Variants in BICD1 observed in about 807,000 individuals in gnomAD.
BICD1 encodes the protein BICD cargo adaptor 1, also known as protein bicaudal D homolog 1.
In BICD1, 35 loss-of-function variants were observed where a neutral mutation model predicts 92.5. That is an observed-to-expected ratio of 0.38 (90% CI 0.29 to 0.50). The LOEUF (loss-of-function observed/expected upper bound fraction) is 0.50, where lower values mean the gene tolerates loss of function less well. Among genes scored for constraint, BICD1 ranks in the 20% least tolerant of loss-of-function variants. BICD1 has a pLI of 0.93. For synonymous variants in BICD1, 429 were observed against 465.1 expected (o/e 0.92, Z 1.00); for missense variants, 950 against 1,189.8 (o/e 0.80, Z 2.97).
chr12:32,282,566 G>A (rs573557991), intron 2 of BICD1, among the ~76,000 whole-genome samples: 4 of 152,208 alleles, frequency 2.6e-5, no homozygotes, highest in East Asian at 1.9e-4. Flanking sequence ...TAACCCTGAC[G>A]TGGATTTGAG....
chr12:32,298,661 T>G (rs1947948672), intron 3 of BICD1, among the ~76,000 whole-genome samples: 1 of 149,864 alleles, frequency 6.7e-6, no homozygotes, highest in Admixed American at 6.7e-5. Context: ...ACCTGAGGTC[T>G]GGAGTTCGAG....
At chr12:32,329,399 G>GTA (rs2136265728) in intron 5 of BICD1, among the ~76,000 whole-genome samples, 1 of 152,210 alleles carries the variant, frequency 6.6e-6, no homozygotes, top group South Asian at 2.1e-4. Flanking sequence ...GCCCAGCCAA[G>GTA]TATAGCAAGA....
At chr12:32,182,724 T>G (rs990616004) in intron 1 of BICD1, among the ~76,000 whole-genome samples, 1 of 151,828 alleles carries the variant, frequency 6.6e-6, no homozygotes, top group Non-Finnish European at 1.5e-5. Context: ...AGTATTTTTA[T>G]TTATAAAAGT....
intron 1 of BICD1, among the ~76,000 whole-genome samples, chr12:32,129,916 T>C (rs1942479258): frequency 6.6e-6 from 1 of 152,200 alleles, no homozygotes; most frequent in Non-Finnish European, 1.5e-5. Flanking sequence ...AAGGGAGGAC[T>C]GACTTATTTG....
intron 1 of BICD1, among the ~76,000 whole-genome samples, chr12:32,139,048 AAAT>A (rs1392141051): frequency 6.6e-6 from 1 of 152,218 alleles, no homozygotes; most frequent in Non-Finnish European, 1.5e-5. Context: ...TTAATTCCAT[AAAT>A]AATGTTTGTA....
intron 8 of BICD1, among the ~76,000 whole-genome samples, chr12:32,356,344 G>A (rs1793846833): frequency 6.6e-6 from 1 of 152,110 alleles, no homozygotes; most frequent in South Asian, 2.1e-4. Context: ...GAAGAGCACA[G>A]AGGAGAGAGA....
chr12:32,230,284 T>A (rs1945838547), intron 2 of BICD1, among the ~76,000 whole-genome samples: 1 of 151,874 alleles, frequency 6.6e-6, no homozygotes, highest in South Asian at 2.1e-4. Flanking sequence ...CCTGTAATCC[T>A]AGCACCTTAG....
At chr12:32,250,474 A>G (rs79138749) in intron 2 of BICD1, among the ~76,000 whole-genome samples, 1,709 of 152,316 alleles carry the variant, frequency 0.011, 25 homozygotes, top group African/African-American at 0.029. Flanking sequence ...GCAATTTGTA[A>G]TGCACATTTA....
chr12:32,272,586 C>G (rs1474154624), intron 2 of BICD1, among the ~76,000 whole-genome samples: 1 of 152,052 alleles, frequency 6.6e-6, no homozygotes, highest in Non-Finnish European at 1.5e-5. Flanking sequence ...GTGTGGAGGC[C>G]TGGGGAATTT....
chr12:32,335,756 T>G (rs1158303672), intron 6 of BICD1, among the ~76,000 whole-genome samples: 1 of 151,800 alleles, frequency 6.6e-6, no homozygotes, highest in East Asian at 1.9e-4. Flanking sequence ...CGCTAATTTT[T>G]GTGGTTTTTG....
chr12:32,266,070 T>C (rs575358626), intron 2 of BICD1, among the ~76,000 whole-genome samples: 76 of 152,312 alleles, frequency 5.0e-4, no homozygotes, highest in African/African-American at 1.8e-3. Context: ...TAGTGATATA[T>C]ACAGACTTCC....
intron 2 of BICD1, among the ~76,000 whole-genome samples, chr12:32,237,800 G>C (rs1377808617): frequency 6.6e-6 from 1 of 152,122 alleles, no homozygotes; most frequent in African/African-American, 2.4e-5. Context: ...AGTGTACCTG[G>C]TCACCCAAGA....
intron 2 of BICD1, among the ~76,000 whole-genome samples, chr12:32,288,223 ATTTTTTT>A (rs34913740): frequency 4.5e-4 from 49 of 109,500 alleles, no homozygotes; most frequent in East Asian, 1.2e-3. Flanking sequence ...CCAAGTCCTA[ATTTTTTT>A]TTTTTTTTTT....
chr12:32,364,802 T>C (rs927722925), intron 8 of BICD1, among the ~76,000 whole-genome samples: 2 of 151,940 alleles, frequency 1.3e-5, no homozygotes, highest in African/African-American at 2.4e-5. Context: ...ATTTAAAAAA[T>C]TAGCAGGGTG....
intron 1 of BICD1, among the ~76,000 whole-genome samples, chr12:32,123,881 G>GAA (rs58470899): frequency 7.3e-6 from 1 of 137,190 alleles, no homozygotes; most frequent in African/African-American, 2.7e-5. Context: ...CGTCTGAAAA[G>GAA]AAAAAAAAAA....
intron 2 of BICD1, among the ~76,000 whole-genome samples, chr12:32,257,360 G>C (rs1010919261): frequency 6.6e-6 from 1 of 151,778 alleles, no homozygotes; most frequent in Non-Finnish European, 1.5e-5. Context: ...ATTTGTTCTG[G>C]AATATAAAAT....
chr12:32,142,453 C>CCTATCTATCTATCTTATCTAT (rs1555134285), intron 1 of BICD1, among the ~76,000 whole-genome samples: 1 of 112,882 alleles, frequency 8.9e-6, no homozygotes, highest in Non-Finnish European at 1.7e-5. Context: ...ACCTATCTAT[C>CCTATCTATCTATCTTATCTAT]CTATCTATCT....
At chr12:32,138,372 G>T (rs1189090822) in intron 1 of BICD1, among the ~76,000 whole-genome samples, 1 of 152,150 alleles carries the variant, frequency 6.6e-6, no homozygotes, top group Non-Finnish European at 1.5e-5. Flanking sequence ...AACTCATTCA[G>T]ACTCACCAAG....
chr12:32,304,456 TTC>T (rs1948156668), intron 3 of BICD1, among the ~76,000 whole-genome samples: 1 of 152,200 alleles, frequency 6.6e-6, no homozygotes, highest in Non-Finnish European at 1.5e-5. Flanking sequence ...AACAGCAGAA[TTC>T]TGTTTTAAAC....
Sources: gnomAD v4.1 joint callset for allele counts (sites outside exome capture counted in the v4.1 genomes callset) on GRCh38, gnomAD v4.1.1 for gene constraint, MANE v1.5 for transcripts, NCBI Gene and HGNC (gene_info 2026-07-23, HGNC 2026-07-21) for gene names.